Variants in STAT4 observed in about 807,000 individuals in gnomAD.
STAT4 encodes the protein signal transducer and activator of transcription 4.
In STAT4, 42 loss-of-function variants were observed where a neutral mutation model predicts 110.5. The observed-to-expected ratio is 0.38, with a 90% CI of 0.30 to 0.49. The LOEUF (loss-of-function observed/expected upper bound fraction) is 0.49, where lower values mean the gene tolerates loss of function less well. STAT4 is among the 20% of genes least tolerant of loss of function. STAT4 has a pLI of 0.95. For missense variants in STAT4, 632 were observed against 887.9 expected (o/e 0.71, Z 3.66); for synonymous variants, 284 against 302.2 (o/e 0.94, Z 0.63).
rs1696586523 is a variant in STAT4, at chr2:191,053,336, T to TA, written c.1251+1153dup. Among the ~76,000 whole-genome samples the TA allele has an allele frequency of 6.6e-6, 1 of 152,144 alleles. No homozygotes were observed. Among genetic ancestry groups the TA allele is most frequent in the South Asian group, 2.1e-4 (1 of 4,828 alleles). On this transcript the variant is annotated intron_variant, in intron 14 of 23. Transcript: ENST00000392320. This position sits in a 1 kb window ranked among gnomAD's most constrained non-coding sequence, Gnocchi z 4.5. ...GTTGAGCATGACTATCCTGCTCTCTTAGAGGAAAAAAATGCAGTATTTCCT... is the reference window on the plus strand; with the variant it reads ...GTTGAGCATGACTATCCTGCTCTCTTAAGAGGAAAAAAATGCAGTATTTCCT...
rs1396649496 is a variant in STAT4 at position 191,104,424 on chromosome 2, G to C, written c.274-28099C>G. On this transcript the variant is annotated intron_variant, in intron 3 of 23. Coordinates refer to ENST00000392320, the MANE Select transcript of STAT4 (RefSeq NM_003151.4). This position sits in a 1 kb window ranked among gnomAD's most constrained non-coding sequence, Gnocchi z 4.3. Reference sequence around the variant, plus strand: ...TTGTAGATAAAAAGCTTTAGAATCAGTGTTCATTTTTTGTTCAATTACCAA... The same window carrying C: ...TTGTAGATAAAAAGCTTTAGAATCACTGTTCATTTTTTGTTCAATTACCAA... Among the ~76,000 whole-genome samples the C allele has an allele frequency of 6.6e-6, 1 of 152,106 alleles. No homozygotes were observed. Among genetic ancestry groups the C allele is most frequent in the East Asian group, 1.9e-4 (1 of 5,198 alleles).
chr2:191,146,765 A>G lies in STAT4; in HGVS notation c.129-8T>C. ...TTGTTAGAAGCTGCCTCCCTAAAAAAAAAAAGGATTATTACACAACAGAAA... is the reference window on the plus strand; with the variant it reads ...TTGTTAGAAGCTGCCTCCCTAAAAAGAAAAAGGATTATTACACAACAGAAA... On this transcript the variant is annotated splice_polypyrimidine_tract_variant and splice_region_variant and intron_variant, in intron 2 of 23. Transcript: ENST00000392320. This position sits in a 1 kb window ranked among gnomAD's most constrained non-coding sequence, Gnocchi z 4.5. 6.5e-7 allele frequency: 1 copy of G among 1,537,820 alleles called. No individual in the cohort carries two copies. Among genetic ancestry groups the G allele is most frequent in the Non-Finnish European group, 8.7e-7 (1 of 1,147,824 alleles).
At chr2:191,088,499 TC>T (rs1248484255) in intron 3 of STAT4, among the ~76,000 whole-genome samples, 1 of 152,188 alleles carries the variant, frequency 6.6e-6, no homozygotes, top group African/African-American at 2.4e-5. Flanking sequence ...TGTCAGTTAT[TC>T]CCCACTTATC....
At chr2:191,136,030 AC>A (rs1699174307) in intron 3 of STAT4, among the ~76,000 whole-genome samples, 2 of 151,706 alleles carry the variant, frequency 1.3e-5, no homozygotes, top group Admixed American at 6.6e-5. Flanking sequence ...AAACCAAAAA[AC>A]AAAAAACCAA....
intron 1 of STAT4, among the ~76,000 whole-genome samples, chr2:191,149,798 A>G (rs1699548150): frequency 6.6e-6 from 1 of 152,240 alleles, no homozygotes; most frequent in Admixed American, 6.5e-5. Context: ...TAATGACAAC[A>G]GAGAACATGA....
At position 191,113,002 on chromosome 2, in the gene STAT4, T is replaced by C. The variant is rs1345365923; in HGVS notation, c.273+33611A>G. Among the ~76,000 whole-genome samples, 2 of 152,256 alleles carry C rather than the reference T, an allele frequency of 1.3e-5. No individual in the cohort carries two copies. Among genetic ancestry groups the C allele is most frequent in the African/African-American group, 2.4e-5 (1 of 41,472 alleles). ...GCATTCCCATAGCTCTCTGCTGTTC[T>C]TGCCCATCTGGGAATACTCACACGA... On this transcript the variant is annotated intron_variant, in intron 3 of 23. Coordinates refer to ENST00000392320, the MANE Select transcript of STAT4 (RefSeq NM_003151.4). This position sits in a 1 kb window ranked among gnomAD's most constrained non-coding sequence, Gnocchi z 4.8.
intron 13 of STAT4, among the ~76,000 whole-genome samples, chr2:191,057,587 T>C (rs1410484667): frequency 4.0e-5 from 6 of 150,576 alleles, no homozygotes; most frequent in Admixed American, 1.3e-4. Flanking sequence ...TTTTCTTTTT[T>C]TTTTTTTTCT....
In STAT4 at chr2:191,043,241, AG is replaced by A; in HGVS notation, c.1252-2094del. On this transcript the variant is annotated intron_variant, in intron 14 of 23. Coordinates refer to ENST00000392320, the MANE Select transcript of STAT4 (RefSeq NM_003151.4). This position sits in a 1 kb window ranked among gnomAD's most constrained non-coding sequence, Gnocchi z 4.8. ...TAAAATATAATAAGAGAAATAGACA[AG>A]TCAGTAAAAAGATTGGACATAAAGT... 6.6e-6 allele frequency among the ~76,000 whole-genome samples: 1 copy of A among 152,348 alleles called. No individual in the cohort carries two copies. Among genetic ancestry groups the A allele is most frequent in the Non-Finnish European group, 1.5e-5 (1 of 68,026 alleles).
Position 191,030,854 on chromosome 2 carries a change from G to T in STAT4, c.2220+118C>A. The T allele has an allele frequency of 2.3e-6, 2 of 875,916 alleles. No homozygotes were observed. The highest frequency in any genetic ancestry group is 3.7e-6 in the Non-Finnish European group (2 of 541,550). The allele number at this position is 875,916 out of a possible 1,614,324, so 54.3% of individuals were successfully genotyped here. ...CCTTTTGTGTTATGCTCATGAATTTGTTCCAATAAATGTGTTTTCTCCCTA... is the reference window on the plus strand; with the variant it reads ...CCTTTTGTGTTATGCTCATGAATTTTTTCCAATAAATGTGTTTTCTCCCTA... On this transcript the variant is annotated intron_variant, in intron 23 of 23. Coordinates refer to ENST00000392320, the MANE Select transcript of STAT4 (RefSeq NM_003151.4). The surrounding 1 kb of genome is among the most constrained non-coding windows in gnomAD (Gnocchi z 4.4).
At chr2:191,103,017 TC>T (rs1177858744) in intron 3 of STAT4, among the ~76,000 whole-genome samples, 1 of 152,212 alleles carries the variant, frequency 6.6e-6, no homozygotes, top group Non-Finnish European at 1.5e-5. Flanking sequence ...CACCATAGAA[TC>T]CTTTCCTATC....
At chr2:191,103,596 G>C (rs1698202113) in intron 3 of STAT4, among the ~76,000 whole-genome samples, 2 of 152,040 alleles carry the variant, frequency 1.3e-5, no homozygotes, top group Non-Finnish European at 2.9e-5. Flanking sequence ...CATAGAGTTG[G>C]TCCTATTTCA....
intron 3 of STAT4, among the ~76,000 whole-genome samples, chr2:191,079,227 T>C (rs1415795485): frequency 2.6e-5 from 1 of 38,760 alleles, no homozygotes; most frequent in Non-Finnish European, 9.5e-5. Context: ...TAGAATCAAC[T>C]TGTCAAGTCA....
chr2:191,104,484 G>A lies in STAT4; in HGVS notation c.274-28159C>T, dbSNP rs1698223995. Among the ~76,000 whole-genome samples the A allele has an allele frequency of 1.3e-5, 2 of 152,082 alleles. No homozygotes were observed. The highest frequency in any genetic ancestry group is 4.1e-4 in the South Asian group (2 of 4,822). On this transcript the variant is annotated intron_variant, in intron 3 of 23. Coordinates refer to ENST00000392320, the MANE Select transcript of STAT4 (RefSeq NM_003151.4). The surrounding 1 kb of genome is among the most constrained non-coding windows in gnomAD (Gnocchi z 4.3). ...ATTCACAATAGGCATATGTGAAGAA[G>A]ATTTTGCCACACAGACTCACACTGT...
chr2:191,081,449 C>T (rs949037244), intron 3 of STAT4, among the ~76,000 whole-genome samples: 2 of 152,176 alleles, frequency 1.3e-5, no homozygotes, highest in African/African-American at 4.8e-5. Flanking sequence ...CTAATTTACA[C>T]TCCCACCAAC....
rs1010414963 is a variant in STAT4 at position 191,090,345 on chromosome 2, C to A, written c.274-14020G>T. On this transcript the variant is annotated intron_variant, in intron 3 of 23. Transcript: ENST00000392320. This position sits in a 1 kb window ranked among gnomAD's most constrained non-coding sequence, Gnocchi z 4.2. ...ATGAATTCGAATGAATGAAGTTGCTCGCCTCCTCACTCAAAGTTAGCTTTA... is the reference window on the plus strand; with the variant it reads ...ATGAATTCGAATGAATGAAGTTGCTAGCCTCCTCACTCAAAGTTAGCTTTA... Among the ~76,000 whole-genome samples the A allele has an allele frequency of 1.3e-5, 2 of 152,044 alleles. No homozygotes were observed. Among genetic ancestry groups the A allele is most frequent in the African/African-American group, 4.8e-5 (2 of 41,398 alleles).
At chr2:191,133,384 AGAG>A (rs1699095746) in intron 3 of STAT4, among the ~76,000 whole-genome samples, 1 of 150,508 alleles carries the variant, frequency 6.6e-6, no homozygotes, top group Non-Finnish European at 1.5e-5. Flanking sequence ...AAGTAAATAT[AGAG>A]GAGGTCAGAG....
rs112317472 is a variant in STAT4, at chr2:191,112,195, TAAAA to T, written c.273+34414_273+34417del. On this transcript the variant is annotated intron_variant, in intron 3 of 23. Coordinates refer to ENST00000392320, the MANE Select transcript of STAT4 (RefSeq NM_003151.4). The surrounding 1 kb of genome is among the most constrained non-coding windows in gnomAD (Gnocchi z 4.3). ...CATAAACTACATGTTTTTGGAGAAA[TAAAA>T]AGACAAAATTTGGAGAAATTACCTA... Among the ~76,000 whole-genome samples the T allele has an allele frequency of 2.0e-5, 3 of 152,246 alleles. No individual in the cohort carries two copies. Among genetic ancestry groups the T allele is most frequent in the African/African-American group, 7.2e-5 (3 of 41,552 alleles).
At position 191,066,752 on chromosome 2, in the gene STAT4, G is replaced by A. The variant is rs1696998988; in HGVS notation, c.545-237C>T. 1.3e-5 allele frequency among the ~76,000 whole-genome samples: 2 copies of A among 152,154 alleles called. No homozygotes were observed. The highest frequency in any genetic ancestry group is 6.6e-5 in the Admixed American group (1 of 15,264). ...GCTTCAGGAAAAACCATTCTGCACT[G>A]GGTGTTTTGTTTTGTTTTGTTTTGG... On this transcript the variant is annotated intron_variant, in intron 6 of 23. Transcript: ENST00000392320. The surrounding 1 kb of genome is among the most constrained non-coding windows in gnomAD (Gnocchi z 4.3).
At chr2:191,076,360 G>A (rs745788749) in intron 3 of STAT4, 35 bp from the exon 4 acceptor site, 21 of 1,475,660 alleles carry the variant, frequency 1.4e-5, no homozygotes, top group South Asian at 8.3e-5. Flanking sequence ...AATAACTAAC[G>A]TAAAGCTTAA....
Sources: allele counts gnomAD v4.1 joint callset (sites outside exome capture counted in the v4.1 genomes callset), GRCh38; gene constraint gnomAD v4.1.1; non-coding constraint Gnocchi (gnomAD v3.1); transcripts MANE v1.5; gene names NCBI Gene and HGNC (gene_info 2026-07-23, HGNC 2026-07-21).